Variants in KCNU1 observed in about 807,000 individuals in gnomAD.
KCNU1 encodes the protein potassium calcium-activated channel subfamily U member 1, also known as potassium channel subfamily U member 1.
KCNU1 carries 93 observed loss-of-function variants against 126.8 expected under a neutral mutation model. The observed-to-expected ratio is 0.73, with a 90% CI of 0.62 to 0.87. The LOEUF (loss-of-function observed/expected upper bound fraction) is 0.87. KCNU1 is among the 40% of genes least tolerant of loss of function. KCNU1 has a pLI of 0.00. For missense variants in KCNU1, 1,330 were observed against 1,367.1 expected (o/e 0.97, Z 0.43); for synonymous variants, 523 against 494.2 (o/e 1.06, Z -0.77).
intron 2 of KCNU1, among the ~76,000 whole-genome samples, chr8:36,793,644 C>A (rs972483980): frequency 3.9e-5 from 6 of 152,124 alleles, no homozygotes; most frequent in African/African-American, 1.4e-4. Context: ...TTGTTAGGGG[C>A]ATTAAGCAGT....
intron 10 of KCNU1, among the ~76,000 whole-genome samples, chr8:36,818,837 T>C (rs1804021793): frequency 6.6e-6 from 1 of 152,228 alleles, no homozygotes; most frequent in Non-Finnish European, 1.5e-5. Flanking sequence ...TGAAGCACTC[T>C]ATGATGTTAC....
At chr8:36,858,166 T>A (rs964030975) in intron 18 of KCNU1, among the ~76,000 whole-genome samples, 3 of 112,330 alleles carry the variant, frequency 2.7e-5, no homozygotes, top group Admixed American at 1.1e-4. Flanking sequence ...TAAGACAATT[T>A]CAAGGATGGC....
At chr8:36,886,890 C>T (rs1806725903) in intron 19 of KCNU1, among the ~76,000 whole-genome samples, 1 of 152,236 alleles carries the variant, frequency 6.6e-6, no homozygotes, top group South Asian at 2.1e-4. Context: ...GAAGTCAGAA[C>T]ATACAGTATT....
At chr8:36,801,478 A>G (rs1032796812) in intron 2 of KCNU1, among the ~76,000 whole-genome samples, 1 of 148,466 alleles carries the variant, frequency 6.7e-6, no homozygotes, top group African/African-American at 2.5e-5. Context: ...GTTCATTTCC[A>G]TGGGTTGGGG....
chr8:36,832,204 A>T (rs966360575), intron 10 of KCNU1, among the ~76,000 whole-genome samples: 5 of 152,192 alleles, frequency 3.3e-5, no homozygotes, highest in African/African-American at 9.6e-5. Context: ...TGATGCCTCC[A>T]GCTTTGTTCT....
chr8:36,786,686 C>T (rs1802722308), intron 1 of KCNU1, among the ~76,000 whole-genome samples: 1 of 152,122 alleles, frequency 6.6e-6, no homozygotes, highest in African/African-American at 2.4e-5. Flanking sequence ...CATTTAATTT[C>T]TCTATACCTT....
At chr8:36,836,992 T>A (rs1184932242) in intron 14 of KCNU1, 47 bp downstream of exon 14, 1 of 1,588,466 alleles carries the variant, frequency 6.3e-7, no homozygotes, top group South Asian at 1.1e-5. Context: ...TCCTATGTCC[T>A]ACATATTAAG....
At chr8:36,820,704 A>G (rs1394346122) in intron 10 of KCNU1, among the ~76,000 whole-genome samples, 1 of 152,108 alleles carries the variant, frequency 6.6e-6, no homozygotes, top group African/African-American at 2.4e-5. Context: ...GGTCAAAAAA[A>G]GGAAGAATGA....
intron 18 of KCNU1, among the ~76,000 whole-genome samples, chr8:36,855,939 G>T (rs943185206): frequency 9.9e-5 from 15 of 151,990 alleles, no homozygotes; most frequent in Admixed American, 2.0e-4. Context: ...TCTCGTGCTG[G>T]TTTCAAGATT....
At position 36,936,065 on chromosome 8, in the gene KCNU1, G is replaced by A; in HGVS notation, c.*145G>A. ...GGTTCATGAAGGCCACACTGTTTTGGGTGAGACAAAAGTCTAATGCCACTG... is the reference window on the plus strand; with the variant it reads ...GGTTCATGAAGGCCACACTGTTTTGAGTGAGACAAAAGTCTAATGCCACTG... On this transcript the variant is annotated 3_prime_UTR_variant, in exon 27 of 27. Transcript: ENST00000399881. The A allele has an allele frequency of 1.6e-6, 1 of 634,868 alleles. No homozygotes were observed. The allele number at this position is 634,868 out of a possible 1,614,324, so 39.3% of individuals were successfully genotyped here.
intron 10 of KCNU1, among the ~76,000 whole-genome samples, chr8:36,824,773 G>A (rs1247481235): frequency 6.6e-6 from 1 of 151,722 alleles, no homozygotes; most frequent in African/African-American, 2.4e-5. Context: ...TTACCTCAAT[G>A]TTATGTTTGT....
intron 19 of KCNU1, among the ~76,000 whole-genome samples, chr8:36,904,938 T>C (rs368641481): frequency 5.1e-4 from 78 of 152,298 alleles, no homozygotes; most frequent in African/African-American, 1.9e-3. Flanking sequence ...TAAGCCTAGA[T>C]TTTTCCTGGC....
intron 19 of KCNU1, among the ~76,000 whole-genome samples, chr8:36,902,897 T>G (rs1398573189): frequency 1.3e-5 from 2 of 152,108 alleles, no homozygotes; most frequent in African/African-American, 4.8e-5. Context: ...AAAAGACATG[T>G]TAATTTGAAT....
chr8:36,787,253 T>C (rs1802738835), intron 1 of KCNU1, 53 bp from the exon 2 acceptor site: 1 of 1,511,318 alleles, frequency 6.6e-7, no homozygotes, highest in Non-Finnish European at 8.9e-7. Context: ...GTAGAACAGA[T>C]TTCTTTCTCT....
intron 24 of KCNU1, among the ~76,000 whole-genome samples, chr8:36,926,107 C>A (rs1467001318): frequency 2.0e-5 from 3 of 152,028 alleles, no homozygotes; most frequent in Non-Finnish European, 4.4e-5. Flanking sequence ...AAGCATTTAC[C>A]CAGAGCCAAG....
At chr8:36,907,735 A>C (rs1225690182) in intron 20 of KCNU1, among the ~76,000 whole-genome samples, 2 of 152,200 alleles carry the variant, frequency 1.3e-5, no homozygotes, top group South Asian at 4.1e-4. Flanking sequence ...TTAACCCAGC[A>C]AAGGACTGGC....
At chr8:36,854,497 G>T (rs1805463084) in intron 18 of KCNU1, among the ~76,000 whole-genome samples, 1 of 133,336 alleles carries the variant, frequency 7.5e-6, no homozygotes. Flanking sequence ...GCATGCTCAA[G>T]TCTGATCTTT....
At chr8:36,800,348 C>T (rs982509620) in intron 2 of KCNU1, among the ~76,000 whole-genome samples, 6 of 152,126 alleles carry the variant, frequency 3.9e-5, no homozygotes. Flanking sequence ...TTGTGAAAAT[C>T]AAAGTCCCAG....
intron 8 of KCNU1, among the ~76,000 whole-genome samples, chr8:36,815,008 A>G (rs1484201789): frequency 6.6e-6 from 1 of 152,074 alleles, no homozygotes; most frequent in Non-Finnish European, 1.5e-5. Context: ...CAAATAGAAT[A>G]AAGTCAGAGT....
Sources: gnomAD v4.1 joint callset for allele counts (sites outside exome capture counted in the v4.1 genomes callset) on GRCh38, gnomAD v4.1.1 for gene constraint, MANE v1.5 for transcripts, NCBI Gene and HGNC (gene_info 2026-07-23, HGNC 2026-07-21) for gene names.